The following NRXN3 variants were observed in gnomAD, a reference collection of about 807,000 sequenced individuals.
NRXN3 encodes neurexin 3.
Under a neutral mutation model 137.6 loss-of-function variants are expected in NRXN3, and 32 were observed. That is an observed-to-expected ratio of 0.23 (90% confidence interval 0.18 to 0.31). NRXN3 has a LOEUF of 0.31. Ranked by LOEUF, NRXN3 falls within the 10% of genes least tolerant of loss-of-function variation. The pLI is 1.00. For synonymous variants in NRXN3, 798 were observed against 784.5 expected (o/e 1.02, Z -0.29); for missense variants, 1,574 against 2,062.5 (o/e 0.76, Z 4.59).
chr14:79,309,972 A>G (rs1474816531), intron 15 of NRXN3, among the ~76,000 whole-genome samples: 1 of 123,200 alleles, frequency 8.1e-6, no homozygotes. Context: ...TTTTGTTGCC[A>G]TTGCTTTTGG....
chr14:78,243,411 C>G lies in NRXN3; in HGVS notation c.318C>G (p.Asp106Glu). 12 of 1,567,064 alleles carry G rather than the reference C, an allele frequency of 7.7e-6. No individual in the cohort carries two copies. The highest frequency in any genetic ancestry group is 9.5e-6 in the Non-Finnish European group (11 of 1,163,924). ...TGCTGTCCAACAAGCAGGTGAATGA[C>G]AGCAGCTGGCACTTCCTCATGGTGA... ...TAVLSNKQVNDSSWHFLMVSR... is the reference protein window; with the variant it reads ...TAVLSNKQVNESSWHFLMVSR... Residue 106 changes from aspartate (D) to glutamate (E), a missense_variant, in exon 2 of 21, where the codon GAC (aspartate) becomes GAG (glutamate). This residue lies in a region of NRXN3 where 400 missense variants were observed against 527.3 expected (regional missense o/e 0.76). Coordinates refer to ENST00000335750, the MANE Select transcript of NRXN3 (RefSeq NM_001330195.2). This position sits in a 1 kb window ranked among gnomAD's most constrained non-coding sequence, Gnocchi z 4.2.
rs59447858 is a variant in NRXN3, at chr14:79,450,362, A to G, written c.3263-16859A>G. 3.7e-3 allele frequency among the ~76,000 whole-genome samples: 567 copies of G among 152,304 alleles called. 3 individuals are homozygous for G. Among genetic ancestry groups the G allele is most frequent in the African/African-American group, 0.013 (526 of 41,558 alleles). On this transcript the variant is annotated intron_variant, in intron 15 of 20. Coordinates refer to ENST00000335750, the MANE Select transcript of NRXN3 (RefSeq NM_001330195.2). ...GAAATACATTTTTGAGATCTATTGC[A>G]TAGCATGGTGACTACAGCTAATAAT...
At chr14:78,371,596 A>G (rs1463066697) in intron 4 of NRXN3, among the ~76,000 whole-genome samples, 1 of 152,198 alleles carries the variant, frequency 6.6e-6, no homozygotes, top group Non-Finnish European at 1.5e-5. Context: ...CTAAAAGAGC[A>G]TTAGTTGTAA....
chr14:78,277,082 G>A (rs1175432536), intron 2 of NRXN3, among the ~76,000 whole-genome samples: 1 of 152,170 alleles, frequency 6.6e-6, no homozygotes, highest in Non-Finnish European at 1.5e-5. Context: ...ACAGCTTCTA[G>A]GGGAGGCAAG....
intron 10 of NRXN3, among the ~76,000 whole-genome samples, chr14:78,920,412 A>G (rs2099267885): frequency 6.6e-6 from 1 of 152,206 alleles, no homozygotes; most frequent in African/African-American, 2.4e-5. Flanking sequence ...AAAAGTATAA[A>G]TTTTGATTTT....
intron 4 of NRXN3, among the ~76,000 whole-genome samples, chr14:78,340,796 T>A (rs2082064273): frequency 6.6e-6 from 1 of 152,186 alleles, no homozygotes; most frequent in African/African-American, 2.4e-5. Context: ...CCCAGCCAGA[T>A]TCATGGAGAG....
At chr14:78,528,303 A>G (rs932019537) in intron 4 of NRXN3, among the ~76,000 whole-genome samples, 2 of 152,184 alleles carry the variant, frequency 1.3e-5, no homozygotes, top group South Asian at 2.1e-4. Flanking sequence ...GATGTTGGCA[A>G]TGCAACAACT....
At chr14:79,625,778 G>A (rs1010515685) in intron 16 of NRXN3, among the ~76,000 whole-genome samples, 2 of 152,164 alleles carry the variant, frequency 1.3e-5, no homozygotes, top group Non-Finnish European at 2.9e-5. Flanking sequence ...CAGTTTTACA[G>A]ACATAGCATC....
At chr14:78,934,970 A>C (rs2099331313) in intron 10 of NRXN3, among the ~76,000 whole-genome samples, 1 of 151,848 alleles carries the variant, frequency 6.6e-6, no homozygotes, top group Non-Finnish European at 1.5e-5. Context: ...TAATAATAAT[A>C]ATAATAATAA....
intron 15 of NRXN3, among the ~76,000 whole-genome samples, chr14:79,345,995 C>G (rs764869641): frequency 3.9e-5 from 6 of 152,234 alleles, no homozygotes; most frequent in Non-Finnish European, 7.3e-5. Context: ...CTGCCTCTAT[C>G]AACCTACATT....
At chr14:79,479,984 C>T (rs1281700259) in intron 16 of NRXN3, among the ~76,000 whole-genome samples, 1 of 152,136 alleles carries the variant, frequency 6.6e-6, no homozygotes, top group South Asian at 2.1e-4. Flanking sequence ...TATCAGAAGT[C>T]CTCAAATACT....
chr14:79,196,337 C>T (rs919205939), intron 15 of NRXN3, among the ~76,000 whole-genome samples: 1 of 152,176 alleles, frequency 6.6e-6, no homozygotes, highest in Non-Finnish European at 1.5e-5. Context: ...AGTCTTAGTG[C>T]ATGAAACTGA....
intron 4 of NRXN3, among the ~76,000 whole-genome samples, chr14:78,332,394 C>T (rs539334298): frequency 6.6e-6 from 1 of 150,416 alleles, no homozygotes; most frequent in Non-Finnish European, 1.5e-5. Flanking sequence ...CAGCTCACTG[C>T]AACCTCTGCC....
chr14:79,658,511 C>T (rs1156997249), intron 16 of NRXN3, among the ~76,000 whole-genome samples: 1 of 152,180 alleles, frequency 6.6e-6, no homozygotes, highest in Non-Finnish European at 1.5e-5. Context: ...ACACCAGCAA[C>T]TAAATGCATG....
intron 10 of NRXN3, among the ~76,000 whole-genome samples, chr14:78,912,166 T>C (rs1028225842): frequency 3.3e-5 from 5 of 151,102 alleles, no homozygotes; most frequent in South Asian, 2.1e-4. Context: ...TGAGAACATG[T>C]GGTGTTTGGT....
At chr14:79,754,057 C>T (rs1353502492) in intron 19 of NRXN3, among the ~76,000 whole-genome samples, 1 of 152,062 alleles carries the variant, frequency 6.6e-6, no homozygotes, top group Non-Finnish European at 1.5e-5. Flanking sequence ...GGCAGTGGCT[C>T]ATGCCTGTAA....
Position 78,647,610 on chromosome 14 carries a change from T to C in NRXN3, c.1059+2189T>C, listed in dbSNP as rs539808229. On this transcript the variant is annotated intron_variant, in intron 5 of 20. Coordinates refer to ENST00000335750, the MANE Select transcript of NRXN3 (RefSeq NM_001330195.2). ...CAGGGATACAGAGGCCCTACAGTAT[T>C]GGGGGTATTTCTTGGCAGAGGGAGT... Among the ~76,000 whole-genome samples the C allele has an allele frequency of 9.9e-5, 15 of 152,280 alleles. No homozygotes were observed. The East Asian group carries it at 2.9e-3, about 29-fold the overall frequency.
At chr14:79,724,796 G>A (rs1028941202) in intron 19 of NRXN3, among the ~76,000 whole-genome samples, 1 of 152,058 alleles carries the variant, frequency 6.6e-6, no homozygotes, top group Non-Finnish European at 1.5e-5. Context: ...CCATGGCTGG[G>A]CCCTTCAGAG....
At chr14:78,999,582 A>C (rs2099537337) in intron 15 of NRXN3, among the ~76,000 whole-genome samples, 1 of 152,208 alleles carries the variant, frequency 6.6e-6, no homozygotes, top group Non-Finnish European at 1.5e-5. Context: ...GAATTATAAT[A>C]AGTATCCCAA....
Sources: allele counts gnomAD v4.1 joint callset (sites outside exome capture counted in the v4.1 genomes callset), GRCh38; gene constraint gnomAD v4.1.1; regional missense constraint gnomAD v4.1.1; non-coding constraint Gnocchi (gnomAD v3.1); transcripts MANE v1.5; gene names NCBI Gene and HGNC (gene_info 2026-07-23, HGNC 2026-07-21).